The following MAF variants were observed in gnomAD, a reference collection of about 807,000 sequenced individuals.
MAF encodes transcription factor Maf.
Under a neutral mutation model 22.0 loss-of-function variants are expected in MAF, and 10 were observed. The ratio of observed to expected loss-of-function variants is 0.45; its 90% CI spans 0.28 to 0.77. The LOEUF (loss-of-function observed/expected upper bound fraction) is 0.77. Ranked by LOEUF, MAF falls within the 30% of genes least tolerant of loss-of-function variation. The pLI is 0.12. For synonymous variants in MAF, 337 were observed against 255.8 expected (o/e 1.32, Z -3.03); for missense variants, 544 against 548.4 (o/e 0.99, Z 0.08).
the MAF span, among the ~76,000 whole-genome samples, chr16:79,261,477 G>A: frequency 1.3e-5 from 2 of 152,200 alleles, no homozygotes; most frequent in African/African-American, 4.8e-5. Flanking sequence ...ACTTAGCACA[G>A]GAGCTTCTAC....
chr16:79,254,229 C>T, the MAF span, among the ~76,000 whole-genome samples: 2 of 152,040 alleles, frequency 1.3e-5, no homozygotes, highest in Admixed American at 6.6e-5. Flanking sequence ...TGACATACTC[C>T]TGTGGTTAGA....
the MAF span, among the ~76,000 whole-genome samples, chr16:79,249,575 A>G: frequency 0.12 from 18,678 of 152,166 alleles, 1,414 homozygotes; most frequent in Middle Eastern, 0.19. Flanking sequence ...CTCCAGAACT[A>G]TAAGAAATAA....
chr16:79,596,136 G>A lies in MAF; in HGVS notation c.1119-1583C>T, dbSNP rs923549179. On this transcript the variant is annotated intron_variant, in intron 1 of 1. Coordinates refer to ENST00000326043, the MANE Select transcript of MAF (RefSeq NM_005360.5). ...TATTTGTCCGGCTCCTCTGTCTATG[G>A]ATGGCTTTGCTCCTGATCAGAAGTG... The A allele has an allele frequency of 5.6e-6, 6 of 1,062,540 alleles. No homozygotes were observed. In the East Asian group the frequency reaches 2.5e-4, roughly 45 times the overall value. 65.8% of individuals were successfully genotyped at this position (1,062,540 alleles called of 1,614,324 possible).
At chr16:79,291,513 T>A in the MAF span, among the ~76,000 whole-genome samples, 1 of 151,854 alleles carries the variant, frequency 6.6e-6, no homozygotes, top group Non-Finnish European at 1.5e-5. Context: ...TTTCCTTTTT[T>A]CCTTTTTAGC....
At chr16:79,256,347 G>A in the MAF span, among the ~76,000 whole-genome samples, 1 of 152,042 alleles carries the variant, frequency 6.6e-6, no homozygotes, top group East Asian at 1.9e-4. Context: ...CGAGCAGGTA[G>A]ATCACTCTCC....
chr16:79,287,975 C>G, the MAF span, among the ~76,000 whole-genome samples: 1 of 152,206 alleles, frequency 6.6e-6, no homozygotes, highest in Non-Finnish European at 1.5e-5. Context: ...CAACATGTGC[C>G]ATACCAGTGA....
the MAF span, among the ~76,000 whole-genome samples, chr16:79,289,681 A>G: frequency 6.6e-6 from 1 of 152,074 alleles, no homozygotes; most frequent in African/African-American, 2.4e-5. Flanking sequence ...CTTGTTGACC[A>G]TTTTAGGGAT....
the MAF span, among the ~76,000 whole-genome samples, chr16:79,508,494 G>A: frequency 1.3e-5 from 2 of 152,182 alleles, no homozygotes; most frequent in Middle Eastern, 3.4e-3. Context: ...CCAGTCCCAG[G>A]GCGCTGCTCA....
At position 79,594,145 on chromosome 16, in the gene MAF, T is replaced by TTA. The variant is rs1913356642; in HGVS notation, c.*313_*314dup. 9.1e-6 allele frequency: 3 copies of TTA among 328,802 alleles called. No individual in the cohort carries two copies. In the Admixed American group the frequency reaches 1.3e-4, roughly 14 times the overall value. 20.4% of individuals were successfully genotyped at this position (328,802 alleles called of 1,614,324 possible). A position where few individuals can be genotyped will look rare whatever the true frequency, so the allele number is the denominator to read the frequency against. ...TTGTTGCATTCCGGGAAACTTTCCA[T>TTA]TATATATATGCATATATATGTATCT... On this transcript the variant is annotated 3_prime_UTR_variant, in exon 2 of 2. Transcript: ENST00000326043.
the MAF span, among the ~76,000 whole-genome samples, chr16:79,288,482 C>T: frequency 6.6e-6 from 1 of 152,176 alleles, no homozygotes; most frequent in African/African-American, 2.4e-5. Context: ...GGAGTCATCA[C>T]AGTTTAGCTC....
At chr16:79,273,014 G>A in the MAF span, among the ~76,000 whole-genome samples, 4 of 152,316 alleles carry the variant, frequency 2.6e-5, no homozygotes, top group Non-Finnish European at 5.9e-5. Context: ...GAAGTAAGAA[G>A]TATGTTAAAA....
chr16:79,521,125 G>T, the MAF span, among the ~76,000 whole-genome samples: 1 of 152,174 alleles, frequency 6.6e-6, no homozygotes, highest in African/African-American at 2.4e-5. Context: ...GCGCTTAGAC[G>T]TTGTTGAGGA....
the MAF span, among the ~76,000 whole-genome samples, chr16:79,344,752 G>C: frequency 6.6e-6 from 1 of 152,188 alleles, no homozygotes; most frequent in South Asian, 2.1e-4. Flanking sequence ...TATTAGGTAT[G>C]TCTGATCTGG....
the MAF span, among the ~76,000 whole-genome samples, chr16:79,251,853 A>C: frequency 6.6e-6 from 1 of 152,388 alleles, no homozygotes; most frequent in South Asian, 2.1e-4. Flanking sequence ...TAATTTAAAA[A>C]AAATTTTTTT....
chr16:79,595,898 T>C (rs1913491696), intron 1 of MAF: 11 of 1,058,412 alleles, frequency 1.0e-5, no homozygotes, highest in Non-Finnish European at 1.3e-5. Flanking sequence ...TTTTCCTATT[T>C]AAGACAAATG....
chr16:79,314,227 T>C, the MAF span, among the ~76,000 whole-genome samples: 1 of 152,126 alleles, frequency 6.6e-6, no homozygotes, highest in Non-Finnish European at 1.5e-5. Flanking sequence ...TATGACCAAA[T>C]ACTTGCAAGG....
At position 79,599,284 on chromosome 16, in the gene MAF, C is replaced by T. The variant is rs2143807424; in HGVS notation, c.619G>A (p.Ala207Thr). Residue 207 changes from alanine to threonine, a missense_variant, in exon 1 of 2, where the codon GCC (alanine) becomes ACC (threonine). Around this residue, in one of 5 missense-constraint regions of MAF, gnomAD observed 342 missense variants for 315.5 expected, o/e 1.08. Coordinates refer to ENST00000326043, the MANE Select transcript of MAF (RefSeq NM_005360.5). ...AGAPGAAGSAAASAGGAGGAG... is the reference protein window; with the variant it reads ...AGAPGAAGSATASAGGAGGAG... ...CCCCCAGCGCCACCGGCCGAGGCGG[C>T]CGCGCTGCCCGCGGCGCCGGGCGCG... 3.1e-6 allele frequency: 3 copies of T among 979,204 alleles called. No homozygotes were observed. Among genetic ancestry groups the T allele is most frequent in the Non-Finnish European group, 3.6e-6 (3 of 827,706 alleles). 60.7% of individuals were successfully genotyped at this position (979,204 alleles called of 1,614,324 possible). A position where few individuals can be genotyped will look rare whatever the true frequency, so the allele number is the denominator to read the frequency against.
At chr16:79,296,969 A>C in the MAF span, among the ~76,000 whole-genome samples, 1 of 152,230 alleles carries the variant, frequency 6.6e-6, no homozygotes, top group Admixed American at 6.5e-5. Context: ...CTATGGAATA[A>C]ATTTGTTCCT....
the MAF span, among the ~76,000 whole-genome samples, chr16:79,242,658 T>C: frequency 3.5e-4 from 53 of 151,846 alleles, no homozygotes; most frequent in Admixed American, 3.4e-3. Flanking sequence ...GACAGAAAAT[T>C]AACAAGGATA....
Sources: allele counts gnomAD v4.1 joint callset (sites outside exome capture counted in the v4.1 genomes callset), GRCh38; gene constraint gnomAD v4.1.1; regional missense constraint gnomAD v4.1.1; transcripts MANE v1.5; gene names NCBI Gene and HGNC (gene_info 2026-07-23, HGNC 2026-07-21).